MCPH1: variants seen among roughly 807,000 people sequenced by gnomAD.
MCPH1 encodes the protein microcephalin 1.
A neutral mutation model predicts 84.5 loss-of-function variants in MCPH1; 104 were observed. The observed-to-expected ratio is 1.23, with a 90% CI of 1.05 to 1.45. The LOEUF (loss-of-function observed/expected upper bound fraction) is 1.45. Among genes scored for constraint, MCPH1 ranks in the 40% most tolerant of loss-of-function variants. MCPH1 has a pLI of 0.00. For missense variants in MCPH1, 1,498 were observed against 1,005.7 expected (o/e 1.49, Z -6.62); for synonymous variants, 514 against 366.8 (o/e 1.40, Z -4.58).
chr8:6,583,395 A>G (rs893091139), intron 12 of MCPH1, among the ~76,000 whole-genome samples: 1 of 152,166 alleles, frequency 6.6e-6, no homozygotes, highest in African/African-American at 2.4e-5. Flanking sequence ...TTTACTGAAG[A>G]CTTTTCTTGC....
chr8:6,559,872 T>A (rs983638713), intron 12 of MCPH1, among the ~76,000 whole-genome samples: 1 of 152,228 alleles, frequency 6.6e-6, no homozygotes, highest in Non-Finnish European at 1.5e-5. Flanking sequence ...GTTTATCTGA[T>A]CCTTGTTTAA....
chr8:6,504,371 A>T (rs568623522), intron 12 of MCPH1, among the ~76,000 whole-genome samples: 1 of 150,724 alleles, frequency 6.6e-6, no homozygotes, highest in South Asian at 2.1e-4. Flanking sequence ...TGCCGTTCTG[A>T]GTAACGGGAT....
At position 6,532,443 on chromosome 8, in the gene MCPH1, C is replaced by T. The variant is rs148673964; in HGVS notation, c.2214+32514C>T. 10 of 1,613,844 alleles carry T rather than the reference C, an allele frequency of 6.2e-6. No individual in the cohort carries two copies. In the African/African-American group the frequency reaches 1.3e-4, roughly 22 times the overall value. On this transcript the variant is annotated intron_variant, in intron 12 of 13. Coordinates refer to ENST00000344683, the MANE Select transcript of MCPH1 (RefSeq NM_024596.5). ...GGTTCTGTACTGCATTCTGCTGTAT[C>T]TCTACCATTTCTTTCTTCATGTTGT...
Position 6,439,595 on chromosome 8 carries a change from C to T in MCPH1, c.580+499C>T, listed in dbSNP as rs182204429. On this transcript the variant is annotated intron_variant, in intron 6 of 13. Transcript: ENST00000344683. ...TATTTTTAGTAGAGACGGGGTTTCACCATGTTGGCCATGCTGGTCTTAAAC... is the reference window on the plus strand; with the variant it reads ...TATTTTTAGTAGAGACGGGGTTTCATCATGTTGGCCATGCTGGTCTTAAAC... Among the ~76,000 whole-genome samples, 79 of 151,442 alleles carry T rather than the reference C, an allele frequency of 5.2e-4. 2 individuals are homozygous for T. In the South Asian group the frequency reaches 7.3e-3, roughly 14 times the overall value.
At chr8:6,552,414 C>G (rs1208829164) in intron 12 of MCPH1, among the ~76,000 whole-genome samples, 1 of 152,190 alleles carries the variant, frequency 6.6e-6, no homozygotes, top group Non-Finnish European at 1.5e-5. Context: ...CACACACTTA[C>G]GATGGTCCTT....
At chr8:6,509,119 G>C in intron 12 of MCPH1, 2 of 1,577,424 alleles carry the variant, frequency 1.3e-6, no homozygotes, top group Non-Finnish European at 1.7e-6. Context: ...TTACCGTAGT[G>C]GCAAATTTTT....
chr8:6,610,573 C>T (rs1830172673), intron 12 of MCPH1, among the ~76,000 whole-genome samples: 1 of 152,208 alleles, frequency 6.6e-6, no homozygotes, highest in African/African-American at 2.4e-5. Context: ...GGAAAAAGAA[C>T]AGCATCTATC....
intron 7 of MCPH1, among the ~76,000 whole-genome samples, chr8:6,442,358 T>TA: frequency 6.6e-6 from 1 of 152,086 alleles, no homozygotes; most frequent in Non-Finnish European, 1.5e-5. Context: ...TAGGTTTTTT[T>TA]TCCTAGGCAT....
At chr8:6,486,475 G>T (rs1809943792) in intron 11 of MCPH1, among the ~76,000 whole-genome samples, 1 of 152,152 alleles carries the variant, frequency 6.6e-6, no homozygotes, top group Non-Finnish European at 1.5e-5. Context: ...TCTTGTAAAG[G>T]AGATTTGTAG....
At chr8:6,641,132 G>C (rs185410334) in intron 13 of MCPH1, among the ~76,000 whole-genome samples, 101 of 151,800 alleles carry the variant, frequency 6.7e-4, no homozygotes, top group African/African-American at 2.4e-3. Context: ...TAAACATGTC[G>C]TTTTCTTTTT....
At chr8:6,612,887 T>G (rs902272869) in intron 12 of MCPH1, among the ~76,000 whole-genome samples, 1 of 152,196 alleles carries the variant, frequency 6.6e-6, no homozygotes, top group African/African-American at 2.4e-5. Context: ...AGAAGTTTTG[T>G]TACAAAAAGA....
chr8:6,424,491 C>G (rs1244105017), intron 3 of MCPH1, among the ~76,000 whole-genome samples: 1 of 152,160 alleles, frequency 6.6e-6, no homozygotes, highest in Non-Finnish European at 1.5e-5. Context: ...CATTCCTATC[C>G]TACCAGCAGC....
chr8:6,580,138 A>G lies in MCPH1; in HGVS notation c.2215-41316A>G, dbSNP rs551105955. Among the ~76,000 whole-genome samples the G allele has an allele frequency of 2.0e-5, 3 of 152,292 alleles. No homozygotes were observed. In the South Asian group the frequency reaches 6.2e-4, roughly 32 times the overall value. Reference sequence around the variant, plus strand: ...AAGTATCGGTAGACGCTATGGTGGGAAGATGACTCTGTGTCCACCAAGGTT... The same window carrying G: ...AAGTATCGGTAGACGCTATGGTGGGGAGATGACTCTGTGTCCACCAAGGTT... On this transcript the variant is annotated intron_variant, in intron 12 of 13. Transcript: ENST00000344683.
chr8:6,448,283 A>G (rs1804676786), intron 8 of MCPH1, among the ~76,000 whole-genome samples: 1 of 152,200 alleles, frequency 6.6e-6, no homozygotes, highest in Admixed American at 6.5e-5. Flanking sequence ...GTCAAAATCC[A>G]TGTTTCAGCT....
At chr8:6,411,575 C>G (rs1023935822) in intron 2 of MCPH1, among the ~76,000 whole-genome samples, 4 of 152,172 alleles carry the variant, frequency 2.6e-5, no homozygotes, top group African/African-American at 9.6e-5. Flanking sequence ...ACAGTGAGAA[C>G]AAATCTTCTA....
chr8:6,509,452 A>G (rs1249963532), intron 12 of MCPH1, among the ~76,000 whole-genome samples: 6 of 152,258 alleles, frequency 3.9e-5, no homozygotes, highest in Non-Finnish European at 8.8e-5. Flanking sequence ...AACCTCAAAC[A>G]TTATTTTCCG....
At chr8:6,445,813 T>C in intron 8 of MCPH1, 2 of 1,217,374 alleles carry the variant, frequency 1.6e-6, no homozygotes, top group Non-Finnish European at 2.0e-6. Flanking sequence ...AAAGGATAAG[T>C]AGTCCATAGT....
intron 12 of MCPH1, among the ~76,000 whole-genome samples, chr8:6,551,559 T>C (rs1823656955): frequency 6.6e-6 from 1 of 152,072 alleles, no homozygotes; most frequent in Admixed American, 6.5e-5. Context: ...TTAGTCTTAA[T>C]TTTTTTTAAC....
chr8:6,444,294 T>C, intron 7 of MCPH1, 99 bp from the exon 8 acceptor site: 2 of 1,365,922 alleles, frequency 1.5e-6, no homozygotes, highest in South Asian at 1.2e-5. Flanking sequence ...TCTTAACTAA[T>C]AGCTGTACTT....
Sources: gnomAD v4.1 joint callset for allele counts (sites outside exome capture counted in the v4.1 genomes callset) on GRCh38, gnomAD v4.1.1 for gene constraint, MANE v1.5 for transcripts, NCBI Gene and HGNC (gene_info 2026-07-23, HGNC 2026-07-21) for gene names.